The following SYTL3 variants were observed in gnomAD, a reference collection of about 807,000 sequenced individuals.
SYTL3 encodes synaptotagmin like 3.
A neutral mutation model predicts 82.1 loss-of-function variants in SYTL3; 88 were observed. The observed-to-expected ratio is 1.07, with a 90% CI of 0.90 to 1.28. SYTL3 has a LOEUF of 1.28. Ranked by LOEUF, SYTL3 falls within the 50% of genes most tolerant of loss-of-function variation. The pLI is 0.00. For synonymous variants in SYTL3, 311 were observed against 289.4 expected, an observed-to-expected ratio of 1.07 and a Z score of -0.76; for missense variants, 831 against 757.6, an observed-to-expected ratio of 1.10 and a Z score of -1.14.
intron 2 of SYTL3, among the ~76,000 whole-genome samples, chr6:158,653,270 G>T (rs1015948460): frequency 1.1e-4 from 17 of 152,078 alleles, no homozygotes; most frequent in Non-Finnish European, 2.4e-4. Context: ...ACTTTGGGAG[G>T]CCACGGTGGG....
chr6:158,758,436 C>CAAA (rs560146235), intron 14 of SYTL3, among the ~76,000 whole-genome samples: 2 of 127,110 alleles, frequency 1.6e-5, no homozygotes, highest in Non-Finnish European at 1.7e-5. Flanking sequence ...GACTCTGTCT[C>CAAA]AAAAAAAAAA....
chr6:158,665,734 T>G (rs73797073), intron 5 of SYTL3, 121 bp downstream of exon 5: 20,005 of 674,590 alleles, frequency 0.03, 758 homozygotes, highest in African/African-American at 0.14. Flanking sequence ...GTGTACCGAG[T>G]GCCTGATAGG....
chr6:158,712,216 C>A (rs1307320226), intron 8 of SYTL3, among the ~76,000 whole-genome samples: 18 of 152,112 alleles, frequency 1.2e-4, no homozygotes, highest in Non-Finnish European at 1.9e-4. Context: ...TCTCAGAGAC[C>A]AATTCATTTG....
At chr6:158,700,762 GCC>G (rs1270197792) in intron 6 of SYTL3, among the ~76,000 whole-genome samples, 1 of 152,136 alleles carries the variant, frequency 6.6e-6, no homozygotes, top group African/African-American at 2.4e-5. Flanking sequence ...GACTACAGGT[GCC>G]CGCCACCACG....
chr6:158,680,873 AGAAAGTT>A, intron 5 of SYTL3, among the ~76,000 whole-genome samples: 1 of 138,886 alleles, frequency 7.2e-6, no homozygotes, highest in Non-Finnish European at 1.6e-5. Context: ...GATGAAGGAG[AGAAAGTT>A]AGTTGATATC....
intron 16 of SYTL3, among the ~76,000 whole-genome samples, chr6:158,762,842 G>T (rs1790160018): frequency 6.6e-6 from 1 of 152,100 alleles, no homozygotes; most frequent in Non-Finnish European, 1.5e-5. Flanking sequence ...CCTTGAACTT[G>T]GGGGGAGGAG....
intron 5 of SYTL3, among the ~76,000 whole-genome samples, chr6:158,680,737 G>T (rs532158694): frequency 1.3e-4 from 20 of 152,150 alleles, no homozygotes; most frequent in African/African-American, 4.1e-4. Context: ...CAACAACAGA[G>T]CCAGACCCTG....
intron 11 of SYTL3, among the ~76,000 whole-genome samples, chr6:158,737,243 G>T (rs1375457091): frequency 6.6e-6 from 1 of 152,156 alleles, no homozygotes; most frequent in Non-Finnish European, 1.5e-5. Context: ...GGAAGCTGAG[G>T]CTCTGGAGGG....
intron 2 of SYTL3, among the ~76,000 whole-genome samples, chr6:158,655,544 T>G (rs1315530930): frequency 1.3e-5 from 2 of 152,190 alleles, no homozygotes; most frequent in African/African-American, 4.8e-5. Flanking sequence ...GGATCTTTAT[T>G]GTAAATGAGG....
At chr6:158,703,741 CA>C (rs11313168) in intron 6 of SYTL3, among the ~76,000 whole-genome samples, 1,536 of 152,104 alleles carry the variant, frequency 0.01, 36 homozygotes, top group African/African-American at 0.035. Flanking sequence ...GGCAGTGAGG[CA>C]GGGGGCAGAG....
intron 5 of SYTL3, among the ~76,000 whole-genome samples, chr6:158,679,613 G>A (rs1409074623): frequency 6.6e-6 from 1 of 152,058 alleles, no homozygotes; most frequent in African/African-American, 2.4e-5. Context: ...AGAGATCCTC[G>A]AGTTTATGCC....
intron 11 of SYTL3, among the ~76,000 whole-genome samples, chr6:158,742,967 T>G (rs1787129209): frequency 6.6e-6 from 1 of 152,138 alleles, no homozygotes; most frequent in African/African-American, 2.4e-5. Context: ...AGGCAGCATC[T>G]CGGTACTCGT....
chr6:158,713,525 C>A (rs188512734), intron 8 of SYTL3, among the ~76,000 whole-genome samples: 22 of 152,294 alleles, frequency 1.4e-4, no homozygotes, highest in Admixed American at 1.4e-3. Flanking sequence ...TACTTGTCAT[C>A]TTGTCAACAA....
rs763094779 is a variant in SYTL3, at chr6:158,764,655, C to T, written c.*51C>T. On this transcript the variant is annotated 3_prime_UTR_variant, in exon 18 of 18. Transcript: ENST00000611299. ...GCAGCAGGCGTGAGGCACTGTGCGT[C>T]TGCAGAGGGGCTACGAACCAGGTGC... 14 of 1,357,442 alleles carry T rather than the reference C, an allele frequency of 1.0e-5. 1 individual carries two copies. The South Asian group carries it at 1.5e-4, about 15-fold the overall frequency. The allele number at this position is 1,357,442 out of a possible 1,614,324, so 84.1% of individuals were successfully genotyped here. A position where few individuals can be genotyped will look rare whatever the true frequency, so the allele number is the denominator to read the frequency against.
intron 12 of SYTL3, 99 bp from the exon 13 acceptor site, chr6:158,751,828 TA>T: frequency 1.2e-6 from 1 of 869,230 alleles, no homozygotes; most frequent in Non-Finnish European, 1.7e-6. Flanking sequence ...GGAAGCCTGG[TA>T]AAGAAAACGC....
In SYTL3 at chr6:158,725,601, G is replaced by T. The variant is rs371186233; in HGVS notation, c.819G>T (p.Pro273=). ...AGCAACAGAATCTCCCATCCAGTCCGGCACCCAGTACCATATTCTCTGGAG... is the reference window on the plus strand; with the variant it reads ...AGCAACAGAATCTCCCATCCAGTCCTGCACCCAGTACCATATTCTCTGGAG... ...ILKQQNLPSS[P]APSTIFSGGF... is the part of the protein sequence containing the mutation. Residue 273 remains proline, a synonymous_variant, in exon 11 of 18, where the codon CCG becomes CCT. Transcript: ENST00000611299. 3.1e-6 allele frequency: 5 copies of T among 1,614,128 alleles called. No individual in the cohort carries two copies. In the South Asian group the frequency reaches 3.3e-5, roughly 11 times the overall value.
At chr6:158,761,304 T>TTTTTTTC (rs1789900831) in intron 15 of SYTL3, among the ~76,000 whole-genome samples, 1 of 132,094 alleles carries the variant, frequency 7.6e-6, no homozygotes, top group Non-Finnish European at 1.7e-5. Context: ...CACATTTCTT[T>TTTTTTTC]TTTTTTTTTT....
intron 11 of SYTL3, among the ~76,000 whole-genome samples, chr6:158,733,784 G>A (rs1024676353): frequency 2.6e-5 from 4 of 151,530 alleles, no homozygotes; most frequent in African/African-American, 7.3e-5. Context: ...GTGTGCTCTC[G>A]CCATTGTTCC....
At chr6:158,677,705 C>CAAAAAA (rs56865775) in intron 5 of SYTL3, among the ~76,000 whole-genome samples, 10 of 68,106 alleles carry the variant, frequency 1.5e-4, no homozygotes, top group Admixed American at 3.7e-4. Context: ...AACTCTGTCT[C>CAAAAAA]AAAAAAAAAA....
Sources: allele counts gnomAD v4.1 joint callset (sites outside exome capture counted in the v4.1 genomes callset), GRCh38; gene constraint gnomAD v4.1.1; transcripts MANE v1.5; gene names NCBI Gene and HGNC (gene_info 2026-07-23, HGNC 2026-07-21).